PTPRF: variants seen among roughly 807,000 people sequenced by gnomAD.
PTPRF encodes protein tyrosine phosphatase receptor type F.
A neutral mutation model predicts 201.8 loss-of-function variants in PTPRF; 59 were observed. The observed-to-expected ratio is 0.29, with a 90% CI of 0.24 to 0.36. The LOEUF (loss-of-function observed/expected upper bound fraction) is 0.36, where lower values mean the gene tolerates loss of function less well. Among genes scored for constraint, PTPRF ranks in the 10% least tolerant of loss-of-function variants. PTPRF has a pLI of 1.00. For synonymous variants in PTPRF, 1,088 were observed against 1,089.7 expected, an observed-to-expected ratio of 1.00 and a Z score of 0.03; for missense variants, 2,132 against 2,690.5, an observed-to-expected ratio of 0.79 and a Z score of 4.59.
chr1:43,583,219 G>A, intron 7 of PTPRF: 3 of 677,890 alleles, frequency 4.4e-6, no homozygotes, highest in Non-Finnish European at 5.5e-6. Context: ...GCCAGTCTCT[G>A]TTGTTTGGGC....
In PTPRF at chr1:43,569,756, C is replaced by T. The variant is rs763071424; in HGVS notation, c.546C>T (p.Gly182=). ...CTGTAGACCCTGCCACGAGCAACGG[C>T]CGCATCAAGCAGCTGCGTTCAGGTG... ...FLPVDPATSN[G]RIKQLRSGAL... Residue 182 remains glycine (G), a synonymous_variant, in exon 6 of 34, where the codon GGC becomes GGT. Transcript: ENST00000359947. The T allele has an allele frequency of 7.4e-5, 119 of 1,612,120 alleles. No homozygotes were observed. The highest frequency in any genetic ancestry group is 9.7e-5 in the Non-Finnish European group (114 of 1,178,788).
At chr1:43,584,262 A>G (rs955235753) in intron 7 of PTPRF, among the ~76,000 whole-genome samples, 1 of 152,048 alleles carries the variant, frequency 6.6e-6, no homozygotes, top group African/African-American at 2.4e-5. Context: ...CAGGGAGCAA[A>G]CCCAGGCCAT....
At chr1:43,525,337 T>C, upstream of PTPRF, 1 of 152,550 alleles carries the variant, frequency 6.6e-6, no homozygotes, top group Non-Finnish European at 1.5e-5. Flanking sequence ...TGGGCAGCCT[T>C]CAAGGGTCGG....
Position 43,620,438 on chromosome 1 carries a change from G to A in PTPRF, c.5239-16G>A, listed in dbSNP as rs369553918. 279 of 1,605,150 alleles carry A rather than the reference G, an allele frequency of 1.7e-4. No individual in the cohort carries two copies. The highest frequency in any genetic ancestry group is 2.2e-4 in the Non-Finnish European group (264 of 1,173,544). ...CCTTCTCACCTGATTATGGGGGCCC[G>A]ACCCTCTGTCCACAGGAGAAATGCC... On this transcript the variant is annotated splice_polypyrimidine_tract_variant and intron_variant, in intron 30 of 33. Coordinates refer to ENST00000359947, the MANE Select transcript of PTPRF (RefSeq NM_002840.5).
In PTPRF at chr1:43,598,060, A is replaced by G; in HGVS notation, c.2119+7A>G. The G allele has an allele frequency of 6.8e-7, 1 of 1,464,122 alleles. No homozygotes were observed. The highest frequency in any genetic ancestry group is 9.1e-7 in the Non-Finnish European group (1 of 1,100,890). The allele number at this position is 1,464,122 out of a possible 1,614,324, so 90.7% of individuals were successfully genotyped here. A position where few individuals can be genotyped will look rare whatever the true frequency, so the allele number is the denominator to read the frequency against. ...GTGCGCACCGATGAGGACGGTAGGCAGTGCCACCGGGGCGGGAGGGGAGGC... is the reference window on the plus strand; with the variant it reads ...GTGCGCACCGATGAGGACGGTAGGCGGTGCCACCGGGGCGGGAGGGGAGGC... On this transcript the variant is annotated splice_region_variant and intron_variant, in intron 12 of 33. Transcript: ENST00000359947.
intron 7 of PTPRF, chr1:43,579,197 G>A (rs776340598): frequency 1.4e-5 from 9 of 640,602 alleles, no homozygotes; most frequent in South Asian, 1.2e-4. Flanking sequence ...TGGGCCCGGA[G>A]CCCCATGGGA....
At chr1:43,563,219 G>T (rs1645927645) in intron 5 of PTPRF, among the ~76,000 whole-genome samples, 1 of 151,340 alleles carries the variant, frequency 6.6e-6, no homozygotes, top group Non-Finnish European at 1.5e-5. Flanking sequence ...GTAGAGGCCT[G>T]CCTGGCTACC....
rs115715030 is a variant in PTPRF at position 43,584,686 on chromosome 1, C to A, written c.680-4045C>A. ...GTTTGGTGCTGATAATTGCATCTTA[C>A]ATTTTTCCAGCTTTACTTAAAACTG... On this transcript the variant is annotated intron_variant, in intron 7 of 33. Coordinates refer to ENST00000359947, the MANE Select transcript of PTPRF (RefSeq NM_002840.5). Among the ~76,000 whole-genome samples, 490 of 152,362 alleles carry A rather than the reference C, an allele frequency of 3.2e-3. 4 individuals are homozygous for A. Among genetic ancestry groups the A allele is most frequent in the Non-Finnish European group, 4.3e-3 (296 of 68,046 alleles).
intron 6 of PTPRF, among the ~76,000 whole-genome samples, chr1:43,578,263 G>A (rs1313042844): frequency 1.3e-5 from 2 of 152,236 alleles, no homozygotes; most frequent in Non-Finnish European, 2.9e-5. Flanking sequence ...GGTGGAGTAG[G>A]AGGGGAAGAT....
chr1:43,612,517 C>T (rs946731150), intron 22 of PTPRF, among the ~76,000 whole-genome samples: 134 of 152,250 alleles, frequency 8.8e-4, no homozygotes, highest in African/African-American at 3.1e-3. Flanking sequence ...GCCGAGCCAC[C>T]AGGGTTTAGA....
intron 5 of PTPRF, among the ~76,000 whole-genome samples, chr1:43,555,141 C>T (rs1194907471): frequency 3.3e-5 from 5 of 152,100 alleles, no homozygotes; most frequent in Middle Eastern, 3.4e-3. Flanking sequence ...TGTGAGCCAC[C>T]GCACCCGGGC....
In PTPRF at chr1:43,620,232, C is replaced by G; in HGVS notation, c.5238+11C>G. On this transcript the variant is annotated intron_variant, in intron 30 of 33. Transcript: ENST00000359947. ...CGGGAGATGGGCAGGGTGAGCCCAC[C>G]CTTTCCCCCAGGGCCCCTGTCATAC... The G allele has an allele frequency of 6.2e-7, 1 of 1,613,590 alleles. No individual in the cohort carries two copies. Among genetic ancestry groups the G allele is most frequent in the Non-Finnish European group, 8.5e-7 (1 of 1,179,666 alleles).
intron 22 of PTPRF, 96 bp from the exon 23 acceptor site, chr1:43,613,522 C>A: frequency 1.0e-6 from 1 of 992,272 alleles, no homozygotes; most frequent in Non-Finnish European, 1.6e-6. Flanking sequence ...CATGGTCACA[C>A]ATGTTCACAT....
chr1:43,572,072 C>T (rs1032498893), intron 6 of PTPRF, among the ~76,000 whole-genome samples: 2 of 152,220 alleles, frequency 1.3e-5, no homozygotes, highest in African/African-American at 2.4e-5. Context: ...TGCCCACCTC[C>T]GGCCCTCTGC....
intron 11 of PTPRF, among the ~76,000 whole-genome samples, chr1:43,597,533 TGA>T (rs909051359): frequency 1.3e-5 from 2 of 151,940 alleles, no homozygotes; most frequent in African/African-American, 2.4e-5. Context: ...TGTGTGTGTG[TGA>T]GAGAGGGAAG....
upstream of PTPRF, among the ~76,000 whole-genome samples, chr1:43,522,247 G>A (rs549141808): frequency 6.6e-6 from 1 of 152,318 alleles, no homozygotes; most frequent in East Asian, 1.9e-4. Context: ...AGACAGCCAC[G>A]CAAATATCTG....
chr1:43,545,389 C>T (rs574507239), intron 3 of PTPRF, among the ~76,000 whole-genome samples: 9 of 152,248 alleles, frequency 5.9e-5, no homozygotes, highest in African/African-American at 1.9e-4. Flanking sequence ...GCAGTCGAAT[C>T]GTGACCCTGT....
chr1:43,578,999 G>T, intron 7 of PTPRF, 79 bp downstream of exon 7: 1 of 1,349,642 alleles, frequency 7.4e-7, no homozygotes, highest in Non-Finnish European at 1.1e-6. Flanking sequence ...CAGAGCCCTT[G>T]GTGCAGACAC....
At chr1:43,605,682 C>A in intron 19 of PTPRF, 60 bp downstream of exon 19, 1 of 1,505,916 alleles carries the variant, frequency 6.6e-7, no homozygotes, top group South Asian at 1.1e-5. Flanking sequence ...CTGTGGCCTT[C>A]CTGCCCTGAG....
Sources: allele counts gnomAD v4.1 joint callset (sites outside exome capture counted in the v4.1 genomes callset), GRCh38; gene constraint gnomAD v4.1.1; transcripts MANE v1.5; gene names NCBI Gene and HGNC (gene_info 2026-07-23, HGNC 2026-07-21).